The following MED14 variants were observed in gnomAD, a reference collection of about 807,000 sequenced individuals.
MED14 encodes the protein mediator of RNA polymerase II transcription subunit 14.
A neutral mutation model predicts 109.0 loss-of-function variants in MED14; 8 were observed. The ratio of observed to expected loss-of-function variants is 0.07; its 90% confidence interval spans 0.04 to 0.13. The LOEUF (loss-of-function observed/expected upper bound fraction) is 0.13. Ranked by LOEUF, MED14 falls within the 10% of genes least tolerant of loss-of-function variation. The pLI is 1.00. For missense variants in MED14, 711 were observed against 1,142.4 expected, an observed-to-expected ratio of 0.62 and a Z score of 5.44; for synonymous variants, 399 against 408.7, an observed-to-expected ratio of 0.98 and a Z score of 0.29.
In MED14 at chrX:40,649,217, G is replaced by T. The variant is rs1569275187; in HGVS notation, c.*2589C>A. ...GCTGTTAGTATCCTTTGGCTGAACA[G>T]ATTACTGTGTTAATTAGAACACAGT... On this transcript the variant is annotated 3_prime_UTR_variant, in exon 31 of 31. Coordinates refer to ENST00000324817, the MANE Select transcript of MED14 (RefSeq NM_004229.4). 1 of 114,867 alleles carries T rather than the reference G, an allele frequency of 8.7e-6. No homozygotes were observed. The highest frequency in any genetic ancestry group is 3.2e-5 in the African/African-American group (1 of 30,778). 9.5% of individuals were successfully genotyped at this position (114,867 alleles called of 1,213,427 possible). A position where few individuals can be genotyped will look rare whatever the true frequency, so the allele number is the denominator to read the frequency against.
Position 40,735,248 on chromosome X carries a change from A to G in MED14, c.165T>C (p.Ile55=). Residue 55 remains isoleucine, a synonymous_variant, in exon 1 of 31, where the codon ATT becomes ATC. Transcript: ENST00000324817. Reference sequence around the variant, plus strand: ...AGTAGGCCCGGTGCAGCAGAAATTCAATGAGGGTGCTCAGCCGGTAGCCCG... The same window carrying G: ...AGTAGGCCCGGTGCAGCAGAAATTCGATGAGGGTGCTCAGCCGGTAGCCCG... ...ASPGYRLSTL[I]EFLLHRAYSE... is the part of the protein sequence containing the mutation. 1 of 1,148,719 alleles carries G rather than the reference A, an allele frequency of 8.7e-7. No individual in the cohort carries two copies. Among genetic ancestry groups the G allele is most frequent in the East Asian group, 3.5e-5 (1 of 28,362 alleles). The allele number at this position is 1,148,719 out of a possible 1,213,427, so 94.7% of individuals were successfully genotyped here.
chrX:40,727,942 A>T (rs1931943457), intron 2 of MED14, among the ~76,000 whole-genome samples: 1 of 112,234 alleles, frequency 8.9e-6, no homozygotes, highest in African/African-American at 3.2e-5. Context: ...GGCTCTCTTA[A>T]AAATCGGCCA....
At chrX:40,717,594 C>T (rs1207160947) in intron 3 of MED14, among the ~76,000 whole-genome samples, 1 of 111,520 alleles carries the variant, frequency 9.0e-6, no homozygotes, top group Non-Finnish European at 1.9e-5. Flanking sequence ...ATGATCTCTG[C>T]TCACTGCGAC....
Position 40,681,864 on chromosome X carries a change from G to T in MED14, c.2445C>A (p.Thr815=). The change falls in exon 19 of 31, where the codon ACC becomes ACA. Residue 815 remains threonine, a synonymous_variant. Coordinates refer to ENST00000324817, the MANE Select transcript of MED14 (RefSeq NM_004229.4). ...YRKLILCYGT[T]KGSSISIQWN... ...TAATCAGACTTACTGAGCTTCCCTT[G>T]GTGGTTCCATAACACAAGATAAGTT... 1 of 1,115,457 alleles carries T rather than the reference G, an allele frequency of 9.0e-7. No homozygotes were observed. Among genetic ancestry groups the T allele is most frequent in the Non-Finnish European group, 1.2e-6 (1 of 832,428 alleles). The allele number at this position is 1,115,457 out of a possible 1,213,427, so 91.9% of individuals were successfully genotyped here.
Position 40,651,532 on chromosome X carries a change from A to G in MED14, c.*274T>C. 1 of 858,633 alleles carries G rather than the reference A, an allele frequency of 1.2e-6. No individual in the cohort carries two copies. Among genetic ancestry groups the G allele is most frequent in the Non-Finnish European group, 1.4e-6 (1 of 700,281 alleles). 70.8% of individuals were successfully genotyped at this position (858,633 alleles called of 1,213,427 possible). On this transcript the variant is annotated 3_prime_UTR_variant, in exon 31 of 31. Transcript: ENST00000324817. ...TTTGGCATTTTCATAACTTTATAGTATAAAACAGAATATTAAATTTATTAC... is the reference window on the plus strand; with the variant it reads ...TTTGGCATTTTCATAACTTTATAGTGTAAAACAGAATATTAAATTTATTAC...
chrX:40,726,069 C>T (rs1445233365), intron 3 of MED14, among the ~76,000 whole-genome samples: 1 of 111,811 alleles, frequency 8.9e-6, no homozygotes, highest in East Asian at 2.8e-4. Context: ...GTTTTTACTC[C>T]TTAACGCTTC....
intron 26 of MED14, among the ~76,000 whole-genome samples, chrX:40,660,893 T>C (rs1037891507): frequency 6.2e-5 from 7 of 113,222 alleles, no homozygotes; most frequent in Non-Finnish European, 5.6e-5. Context: ...GGAGTGAATA[T>C]TTTAAACATT....
chrX:40,735,356 C>A lies in MED14; in HGVS notation c.57G>T (p.Gly19=). 9.4e-7 allele frequency: 1 copy of A among 1,065,197 alleles called. No homozygotes were observed. The highest frequency in any genetic ancestry group is 1.2e-6 in the Non-Finnish European group (1 of 828,390). The allele number at this position is 1,065,197 out of a possible 1,213,427, so 87.8% of individuals were successfully genotyped here. A position where few individuals can be genotyped will look rare whatever the true frequency, so the allele number is the denominator to read the frequency against. Residue 19 remains glycine, a synonymous_variant, in exon 1 of 31, where the codon GGG becomes GGT. Transcript: ENST00000324817. ...GGGCTGACGGGGGTCCGCCGCTGCC[C>A]CCGCCGCCGCCTCCGGGCGGGACCA... The part of the protein sequence containing the change: ...HQLVPPGGGG[G]GSGGPPSAPA...
chrX:40,697,532 G>A (rs185027253), intron 12 of MED14, among the ~76,000 whole-genome samples: 50 of 111,893 alleles, frequency 4.5e-4, no homozygotes, highest in Non-Finnish European at 5.3e-4. Context: ...TATAGCCCCA[G>A]TTTTTAAATT....
intron 3 of MED14, among the ~76,000 whole-genome samples, chrX:40,715,899 G>A (rs1931506272): frequency 9.1e-6 from 1 of 109,472 alleles, no homozygotes. Context: ...TCAACAGTGT[G>A]AAGAGACCAC....
chrX:40,700,363 C>CAAAA lies in MED14; in HGVS notation c.1490+798_1490+801dup, dbSNP rs749901603. Reference sequence around the variant, plus strand: ...GTGGCAACAAAGTAAAACCCTGTCTCAAAAAAAAAAAAAAAAAAAAAAAAA... The same window carrying CAAAA: ...GTGGCAACAAAGTAAAACCCTGTCTCAAAAAAAAAAAAAAAAAAAAAAAAAAAAA... On this transcript the variant is annotated intron_variant, in intron 12 of 30. Coordinates refer to ENST00000324817, the MANE Select transcript of MED14 (RefSeq NM_004229.4). Among the ~76,000 whole-genome samples the CAAAA allele has an allele frequency of 2.6e-3, 13 of 4,953 alleles. 2 individuals carry two copies. Among genetic ancestry groups the CAAAA allele is most frequent in the African/African-American group, 7.0e-3 (10 of 1,432 alleles). 4.3% of individuals were successfully genotyped at this position (4,953 alleles called of 115,157 possible). A position where few individuals can be genotyped will look rare whatever the true frequency, so the allele number is the denominator to read the frequency against.
chrX:40,676,614 G>A (rs756948711), intron 21 of MED14, among the ~76,000 whole-genome samples: 2 of 111,878 alleles, frequency 1.8e-5, no homozygotes, highest in African/African-American at 6.5e-5. Context: ...GTCCCCACCC[G>A]AATCTCATCT....
At chrX:40,685,088 T>C (rs192982077) in intron 16 of MED14, among the ~76,000 whole-genome samples, 79 of 112,193 alleles carry the variant, frequency 7.0e-4, no homozygotes, top group African/African-American at 2.4e-3. Context: ...CAAAATACTA[T>C]TATAGTACCT....
At chrX:40,705,485 C>T (rs1481818511) in intron 10 of MED14, among the ~76,000 whole-genome samples, 1 of 111,783 alleles carries the variant, frequency 8.9e-6, no homozygotes, top group African/African-American at 3.3e-5. Context: ...TACCAATGTC[C>T]ATATTTTTCT....
chrX:40,674,098 A>G (rs1005565477), intron 22 of MED14, among the ~76,000 whole-genome samples: 4 of 111,373 alleles, frequency 3.6e-5, no homozygotes, highest in African/African-American at 1.3e-4. Context: ...CTGCTCTGAT[A>G]TCCGCTGGGC....
At position 40,649,651 on chromosome X, in the gene MED14, C is replaced by T; in HGVS notation, c.*2155G>A. On this transcript the variant is annotated 3_prime_UTR_variant, in exon 31 of 31. Coordinates refer to ENST00000324817, the MANE Select transcript of MED14 (RefSeq NM_004229.4). ...CGATTATTAGAGAAAATCACTTGGG[C>T]ATCCAGTCCCCTTGATCGAACCTGG... 1.1e-6 allele frequency: 1 copy of T among 933,491 alleles called. No homozygotes were observed. Among genetic ancestry groups the T allele is most frequent in the South Asian group, 2.4e-5 (1 of 42,454 alleles). The allele number at this position is 933,491 out of a possible 1,213,427, so 76.9% of individuals were successfully genotyped here.
In MED14 at chrX:40,665,552, A is replaced by C. The variant is rs1424169215; in HGVS notation, c.3266-1063T>G. Among the ~76,000 whole-genome samples the C allele has an allele frequency of 4.5e-5, 5 of 111,492 alleles. No homozygotes were observed. In the Admixed American group the frequency reaches 4.8e-4, roughly 11 times the overall value. ...TGTCTCAAAAAAAACAAAACAAAAC[A>C]AAAAAACCAAAGACCAACCAAAAAA... is the stretch of plus-strand genomic sequence containing the variant. On this transcript the variant is annotated intron_variant, in intron 24 of 30. Coordinates refer to ENST00000324817, the MANE Select transcript of MED14 (RefSeq NM_004229.4).
At chrX:40,689,656 A>G (rs1237532932) in intron 15 of MED14, among the ~76,000 whole-genome samples, 3 of 108,991 alleles carry the variant, frequency 2.8e-5, no homozygotes, top group African/African-American at 1.0e-4. Context: ...GCGCCATTGC[A>G]CTCCAGCCTG....
chrX:40,733,853 T>A (rs1932163968), intron 1 of MED14, among the ~76,000 whole-genome samples: 1 of 111,542 alleles, frequency 9.0e-6, no homozygotes, highest in Admixed American at 9.5e-5. Flanking sequence ...GGATATAGAG[T>A]CTGGAGTTCA....
Sources: gnomAD v4.1 joint callset for allele counts (sites outside exome capture counted in the v4.1 genomes callset) on GRCh38, gnomAD v4.1.1 for gene constraint, MANE v1.5 for transcripts, NCBI Gene and HGNC (gene_info 2026-07-23, HGNC 2026-07-21) for gene names.